IL1RAPL2: variants seen among roughly 807,000 people sequenced by gnomAD.
The protein encoded by IL1RAPL2 is interleukin 1 receptor accessory protein like 2.
A neutral mutation model predicts 44.1 loss-of-function variants in IL1RAPL2; 3 were observed. That is an observed-to-expected ratio of 0.07 (90% CI 0.03 to 0.18). IL1RAPL2 has a LOEUF of 0.18. Among genes scored for constraint, IL1RAPL2 ranks in the 10% least tolerant of loss-of-function variants. IL1RAPL2 has a pLI of 1.00. For missense variants in IL1RAPL2, 391 were observed against 496.4 expected (o/e 0.79, Z 2.02); for synonymous variants, 181 against 178.8 (o/e 1.01, Z -0.10).
chrX:105,747,580 A>ATATATATTC (rs1205759442), intron 8 of IL1RAPL2, among the ~76,000 whole-genome samples: 4 of 104,283 alleles, frequency 3.8e-5, no homozygotes, highest in Non-Finnish European at 7.8e-5. Flanking sequence ...ACACACATAT[A>ATATATATTC]TATATATTCT....
At chrX:105,260,998 A>G (rs1324579061) in intron 4 of IL1RAPL2, among the ~76,000 whole-genome samples, 1 of 111,887 alleles carries the variant, frequency 8.9e-6, no homozygotes, top group Non-Finnish European at 1.9e-5. Context: ...CCACTTTGCC[A>G]GAGCTGCAGC....
At chrX:104,820,868 T>C (rs1389628927) in intron 2 of IL1RAPL2, among the ~76,000 whole-genome samples, 1 of 112,527 alleles carries the variant, frequency 8.9e-6, no homozygotes, top group Non-Finnish European at 1.9e-5. Flanking sequence ...AAATATTTAA[T>C]CTCAGTTTTG....
intron 2 of IL1RAPL2, among the ~76,000 whole-genome samples, chrX:105,154,334 G>T (rs1602981611): frequency 9.0e-6 from 1 of 110,900 alleles, no homozygotes; most frequent in Non-Finnish European, 1.9e-5. Flanking sequence ...TTTTATTTTT[G>T]GTTTACAGTA....
intron 2 of IL1RAPL2, among the ~76,000 whole-genome samples, chrX:104,787,640 G>T (rs1932805694): frequency 9.0e-6 from 1 of 111,524 alleles, no homozygotes; most frequent in Non-Finnish European, 1.9e-5. Context: ...ACACTTACAT[G>T]TGGGAATGAC....
In IL1RAPL2 at chrX:105,006,328, A is replaced by G. The variant is rs753725163; in HGVS notation, c.83-189147A>G. 3.9e-4 allele frequency among the ~76,000 whole-genome samples: 43 copies of G among 110,317 alleles called. 1 individual carries two copies. In the South Asian group the frequency reaches 0.016, roughly 41 times the overall value. On this transcript the variant is annotated intron_variant, in intron 2 of 10. Transcript: ENST00000372582. Reference sequence around the variant, plus strand: ...TTTTTATGACTGGTTTTATGTAGACATTTATGAGTGCCTAGGAGGAAACAT... The same window carrying G: ...TTTTTATGACTGGTTTTATGTAGACGTTTATGAGTGCCTAGGAGGAAACAT...
chrX:104,773,626 C>T (rs945353936), intron 2 of IL1RAPL2, among the ~76,000 whole-genome samples: 3 of 111,673 alleles, frequency 2.7e-5, no homozygotes, highest in African/African-American at 9.8e-5. Flanking sequence ...TACAATGAAA[C>T]TTCAGTGGAC....
At chrX:104,916,455 G>A (rs1439282552) in intron 2 of IL1RAPL2, among the ~76,000 whole-genome samples, 9 of 111,674 alleles carry the variant, frequency 8.1e-5, no homozygotes, top group South Asian at 3.8e-4. Context: ...TTATCAGCTT[G>A]AGGAGATTTT....
At chrX:105,507,093 A>G (rs1372308806) in intron 6 of IL1RAPL2, among the ~76,000 whole-genome samples, 1 of 111,756 alleles carries the variant, frequency 8.9e-6, no homozygotes, top group Non-Finnish European at 1.9e-5. Flanking sequence ...ATGGAGCACC[A>G]TCTTAGGAAA....
intron 6 of IL1RAPL2, among the ~76,000 whole-genome samples, chrX:105,614,611 G>A: frequency 9.0e-6 from 1 of 111,374 alleles, no homozygotes; most frequent in Middle Eastern, 4.2e-3. Context: ...ATGATACTGG[G>A]AAACATAAAT....
chrX:105,029,720 A>G (rs1029256834), intron 2 of IL1RAPL2, among the ~76,000 whole-genome samples: 10 of 110,514 alleles, frequency 9.0e-5, no homozygotes, highest in Non-Finnish European at 3.8e-5. Context: ...ATACGTGTGC[A>G]TGTATCTTTA....
rs1007332800 is a variant in IL1RAPL2 at position 105,051,401 on chromosome X, G to A, written c.83-144074G>A. 1.6e-4 allele frequency among the ~76,000 whole-genome samples: 18 copies of A among 112,985 alleles called. No homozygotes were observed. In the Admixed American group the frequency reaches 1.7e-3, roughly 10 times the overall value. On this transcript the variant is annotated intron_variant, in intron 2 of 10. Transcript: ENST00000372582. Reference sequence around the variant, plus strand: ...GCTTCTGCTCAGCCAACTCAGAATGGGTGGGGCTCCTGCTTGTCCCTGGCT... The same window carrying A: ...GCTTCTGCTCAGCCAACTCAGAATGAGTGGGGCTCCTGCTTGTCCCTGGCT...
chrX:104,599,247 A>AT (rs1352597130), intron 1 of IL1RAPL2, among the ~76,000 whole-genome samples: 91 of 111,002 alleles, frequency 8.2e-4, no homozygotes, highest in Non-Finnish European at 1.5e-3. Context: ...TTGATTTTAA[A>AT]TTTTTTTAAA....
chrX:104,594,676 T>C lies in IL1RAPL2; in HGVS notation c.-20+27625T>C, dbSNP rs1928731133. On this transcript the variant is annotated intron_variant, in intron 1 of 10. Transcript: ENST00000372582. ...CAACATATGATTGTTGCTATGGAGGTAATGACCATGAAGCTGTGATAGAGA... is the reference window on the plus strand; with the variant it reads ...CAACATATGATTGTTGCTATGGAGGCAATGACCATGAAGCTGTGATAGAGA... Among the ~76,000 whole-genome samples the C allele has an allele frequency of 5.4e-5, 6 of 111,818 alleles. No individual in the cohort carries two copies. The South Asian group carries it at 1.9e-3, about 35-fold the overall frequency.
chrX:104,835,049 A>T (rs991105801), intron 2 of IL1RAPL2, among the ~76,000 whole-genome samples: 1 of 112,164 alleles, frequency 8.9e-6, no homozygotes, highest in Non-Finnish European at 1.9e-5. Context: ...AAAACAGAAA[A>T]AAAATGTTGT....
intron 2 of IL1RAPL2, among the ~76,000 whole-genome samples, chrX:105,194,181 G>A (rs1389133795): frequency 8.9e-6 from 1 of 111,974 alleles, no homozygotes; most frequent in Non-Finnish European, 1.9e-5. Flanking sequence ...GTGAAATCCT[G>A]AGGTAAGATA....
intron 2 of IL1RAPL2, among the ~76,000 whole-genome samples, chrX:105,102,557 A>G (rs964112500): frequency 2.7e-5 from 3 of 111,841 alleles, no homozygotes; most frequent in African/African-American, 6.5e-5. Flanking sequence ...TACATAACCA[A>G]TGGGCTACAT....
chrX:104,616,603 G>A (rs377065656), intron 1 of IL1RAPL2, among the ~76,000 whole-genome samples: 1 of 111,892 alleles, frequency 8.9e-6, no homozygotes, highest in African/African-American at 3.2e-5. Context: ...TGCAGACCCT[G>A]CACTTGATGG....
At chrX:105,746,176 C>T (rs150918803) in intron 8 of IL1RAPL2, among the ~76,000 whole-genome samples, 2 of 111,903 alleles carry the variant, frequency 1.8e-5, no homozygotes, top group African/African-American at 3.2e-5. Flanking sequence ...CTATTTGTCC[C>T]ATTCTATAAT....
intron 2 of IL1RAPL2, among the ~76,000 whole-genome samples, chrX:105,009,233 G>A (rs1445302768): frequency 9.0e-6 from 1 of 111,207 alleles, no homozygotes; most frequent in Non-Finnish European, 1.9e-5. Flanking sequence ...ATTTGACCCA[G>A]CAATCCCGTT....
Sources: gnomAD v4.1 joint callset for allele counts (sites outside exome capture counted in the v4.1 genomes callset) on GRCh38, gnomAD v4.1.1 for gene constraint, MANE v1.5 for transcripts, NCBI Gene and HGNC (gene_info 2026-07-23, HGNC 2026-07-21) for gene names.